Variants in RARB observed in about 807,000 individuals in gnomAD.
The protein encoded by RARB is retinoic acid receptor beta.
RARB carries 17 observed loss-of-function variants against 51.9 expected under a neutral mutation model. That is an observed-to-expected ratio of 0.33 (90% confidence interval 0.22 to 0.49). The LOEUF is 0.49. RARB is among the 20% of genes least tolerant of loss of function. The probability of loss-of-function intolerance (pLI) is 0.99; values close to 1 mark genes in which losing one functional copy is unlikely to be tolerated. For synonymous variants in RARB, 215 were observed against 195.4 expected (o/e 1.10, Z -0.84); for missense variants, 369 against 550.8 (o/e 0.67, Z 3.30).
At chr3:24,887,330 G>A (rs1703285585) in intron 2 of RARB, among the ~76,000 whole-genome samples, 2 of 152,320 alleles carry the variant, frequency 1.3e-5, no homozygotes, top group Middle Eastern at 3.4e-3. Context: ...TAACATATTG[G>A]AAGGTAAATT....
intron 2 of RARB, among the ~76,000 whole-genome samples, chr3:25,040,381 A>C (rs76833466): frequency 6.6e-6 from 1 of 152,108 alleles, no homozygotes; most frequent in South Asian, 2.1e-4. Flanking sequence ...ATCCATTACT[A>C]TGGTTTCTTT....
At chr3:25,318,139 A>T (rs893264721) in intron 5 of RARB, among the ~76,000 whole-genome samples, 5 of 152,192 alleles carry the variant, frequency 3.3e-5, no homozygotes, top group South Asian at 2.1e-4. Context: ...AGAAAATTAG[A>T]GGAAGGTCTG....
At chr3:25,175,286 T>C (rs1367547754) in intron 5 of RARB, among the ~76,000 whole-genome samples, 1 of 152,218 alleles carries the variant, frequency 6.6e-6, no homozygotes, top group Non-Finnish European at 1.5e-5. Context: ...AGCGAGCTTT[T>C]CCACCTGTTA....
At chr3:24,843,032 C>T (rs1702439096) in intron 1 of RARB, among the ~76,000 whole-genome samples, 1 of 152,202 alleles carries the variant, frequency 6.6e-6, no homozygotes, top group Non-Finnish European at 1.5e-5. Flanking sequence ...AATCCATCAC[C>T]TTCTTGATAC....
chr3:24,992,759 C>G (rs1457118970), intron 2 of RARB, among the ~76,000 whole-genome samples: 1 of 152,124 alleles, frequency 6.6e-6, no homozygotes, highest in African/African-American at 2.4e-5. Context: ...CCAGTCAGAT[C>G]CATTAGCGAT....
intron 4 of RARB, among the ~76,000 whole-genome samples, chr3:25,577,358 G>A (rs1314620812): frequency 2.6e-5 from 4 of 152,168 alleles, no homozygotes; most frequent in Admixed American, 1.3e-4. Flanking sequence ...TGCCTGGCAC[G>A]AGGCAAGCCC....
At chr3:25,497,060 T>A (rs1197276045) in intron 2 of RARB, among the ~76,000 whole-genome samples, 2 of 152,170 alleles carry the variant, frequency 1.3e-5, no homozygotes, top group African/African-American at 2.4e-5. Context: ...AATTTTGTAT[T>A]TTTAGTAGAG....
intron 5 of RARB, among the ~76,000 whole-genome samples, chr3:25,391,108 C>G (rs1330305520): frequency 6.6e-6 from 1 of 152,114 alleles, no homozygotes; most frequent in Non-Finnish European, 1.5e-5. Flanking sequence ...TTGGTGTCCT[C>G]ATAGCATAGC....
intron 5 of RARB, among the ~76,000 whole-genome samples, chr3:25,294,368 A>T (rs936540338): frequency 3.9e-5 from 6 of 152,188 alleles, no homozygotes; most frequent in Non-Finnish European, 7.4e-5. Flanking sequence ...CTGGTAGTGA[A>T]TTCATTCTCT....
chr3:25,420,214 T>C (rs184472086), intron 5 of RARB, among the ~76,000 whole-genome samples: 143 of 152,296 alleles, frequency 9.4e-4, no homozygotes, highest in Non-Finnish European at 1.2e-4. Context: ...CTCAATCACA[T>C]TGAGCTTTTT....
At chr3:25,222,024 A>G (rs778713910) in intron 5 of RARB, among the ~76,000 whole-genome samples, 1 of 152,188 alleles carries the variant, frequency 6.6e-6, no homozygotes, top group African/African-American at 2.4e-5. Flanking sequence ...CCCTCCTTTC[A>G]TGGGAGCGTA....
At chr3:24,965,013 G>T (rs1307723980) in intron 2 of RARB, among the ~76,000 whole-genome samples, 1 of 152,108 alleles carries the variant, frequency 6.6e-6, no homozygotes, top group Non-Finnish European at 1.5e-5. Flanking sequence ...GAATTGCTTT[G>T]GTTCTAAAGA....
At chr3:24,952,888 G>GTTTGT (rs1695928789) in intron 2 of RARB, among the ~76,000 whole-genome samples, 1 of 151,156 alleles carries the variant, frequency 6.6e-6, no homozygotes, top group Non-Finnish European at 1.5e-5. Context: ...TTTTTTGTTT[G>GTTTGT]TTTGTTTTGT....
intron 2 of RARB, among the ~76,000 whole-genome samples, chr3:24,933,518 C>T (rs78809919): frequency 0.018 from 2,726 of 152,120 alleles, 32 homozygotes; most frequent in Middle Eastern, 0.034. Flanking sequence ...CAGAGTTTTG[C>T]TTTTGCGGAT....
At position 24,897,732 on chromosome 3, in the gene RARB, T is replaced by C. The variant is rs183270061; in HGVS notation, c.-380+38980T>C. Among the ~76,000 whole-genome samples the C allele has an allele frequency of 9.0e-4, 134 of 148,226 alleles. 5 individuals are homozygous for C. The highest frequency in any genetic ancestry group is 8.0e-4 in the Non-Finnish European group (54 of 67,596). On this transcript the variant is annotated intron_variant, in intron 2 of 11. Coordinates refer to the RARB transcript ENST00000383772. The stretch of plus-strand genomic sequence containing the variant: ...CCAGAAACCATCACAGTATTTTCCA[T>C]AGAACACAATGCTCTGAGGCTTTTT...
intron 3 of RARB, among the ~76,000 whole-genome samples, chr3:25,093,062 T>A (rs1437764221): frequency 6.6e-6 from 1 of 152,202 alleles, no homozygotes; most frequent in African/African-American, 2.4e-5. Context: ...TATGGATTAG[T>A]CTCATCTCAT....
At chr3:25,160,920 T>G (rs73145368) in intron 4 of RARB, among the ~76,000 whole-genome samples, 261 of 152,212 alleles carry the variant, frequency 1.7e-3, no homozygotes, top group African/African-American at 5.7e-3. Flanking sequence ...CTTCTCCTCT[T>G]CTATAATCAA....
At position 25,338,096 on chromosome 3, in the gene RARB, A is replaced by AACACACAC. The variant is rs10523484; in HGVS notation, c.179-123065_179-123058dup. 4.0e-3 allele frequency among the ~76,000 whole-genome samples: 574 copies of AACACACAC among 144,044 alleles called. 2 individuals carry two copies. Among genetic ancestry groups the AACACACAC allele is most frequent in the Middle Eastern group, 7.0e-3 (2 of 284 alleles). 94.5% of individuals were successfully genotyped at this position (144,044 alleles called of 152,430 possible). On this transcript the variant is annotated intron_variant, in intron 5 of 11. Transcript: ENST00000383772. ...GTATGTCACCCCCCTCCAAACCCCCAACACACACACACACACACACACACA... is the reference window on the plus strand; with the variant it reads ...GTATGTCACCCCCCTCCAAACCCCCAACACACACACACACACACACACACACACACACA...
intron 2 of RARB, among the ~76,000 whole-genome samples, chr3:24,888,888 C>G (rs1703317597): frequency 1.3e-5 from 2 of 152,316 alleles, no homozygotes; most frequent in African/African-American, 4.8e-5. Flanking sequence ...CTTCAACTGA[C>G]TGCATTTTTA....
Sources: gnomAD v4.1 joint callset for allele counts (sites outside exome capture counted in the v4.1 genomes callset) on GRCh38, gnomAD v4.1.1 for gene constraint, MANE v1.5 for transcripts, NCBI Gene and HGNC (gene_info 2026-07-23, HGNC 2026-07-21) for gene names.